The following KDM6A variants were observed in gnomAD, a reference collection of about 807,000 sequenced individuals.
KDM6A encodes the protein lysine demethylase 6A.
KDM6A carries 11 observed loss-of-function variants against 117.6 expected under a neutral mutation model. The ratio of observed to expected loss-of-function variants is 0.09; its 90% CI spans 0.06 to 0.15. KDM6A has a LOEUF of 0.15. Ranked by LOEUF, KDM6A falls within the 10% of genes least tolerant of loss-of-function variation. KDM6A has a pLI of 1.00. For synonymous variants in KDM6A, 384 were observed against 396.1 expected (o/e 0.97, Z 0.36); for missense variants, 799 against 1,077.3 (o/e 0.74, Z 3.62).
At chrX:44,933,023 G>A (rs1297211774) in intron 2 of KDM6A, among the ~76,000 whole-genome samples, 5 of 107,506 alleles carry the variant, frequency 4.7e-5, no homozygotes, top group Non-Finnish European at 7.7e-5. Context: ...GAGTAGCTGG[G>A]ATTACAGACA....
intron 17 of KDM6A, among the ~76,000 whole-genome samples, chrX:45,069,058 A>G (rs1002820798): frequency 1.8e-5 from 2 of 111,119 alleles, no homozygotes; most frequent in Admixed American, 1.9e-4. Flanking sequence ...TTTTTGAAAT[A>G]TTTTCATAGA....
chrX:44,898,436 C>A (rs1449211361), intron 2 of KDM6A, among the ~76,000 whole-genome samples: 1 of 111,882 alleles, frequency 8.9e-6, no homozygotes, highest in East Asian at 2.8e-4. Flanking sequence ...GACTCTAACT[C>A]ACATCTCCTT....
chrX:45,003,663 G>T lies in KDM6A; in HGVS notation c.385-7298G>T, dbSNP rs753294701. Among the ~76,000 whole-genome samples, 422 of 110,113 alleles carry T rather than the reference G, an allele frequency of 3.8e-3. 7 individuals are homozygous for T. The highest frequency in any genetic ancestry group is 0.013 in the African/African-American group (403 of 30,260). On this transcript the variant is annotated intron_variant, in intron 4 of 29. Coordinates refer to ENST00000611820, the MANE Select transcript of KDM6A (RefSeq NM_001291415.2). The stretch of plus-strand genomic sequence containing the variant: ...TTTTAAATTTACCCTGGCTTTTAAA[G>T]GAATAGGGTACACTGTTTTTTCCTT...
intron 10 of KDM6A, among the ~76,000 whole-genome samples, chrX:45,058,772 A>AT (rs1449857722): frequency 9.0e-6 from 1 of 111,082 alleles, no homozygotes; most frequent in Non-Finnish European, 1.9e-5. Flanking sequence ...GAGTTCATTA[A>AT]TGCAGCATGC....
intron 3 of KDM6A, among the ~76,000 whole-genome samples, chrX:44,963,499 C>CTGTCTGTCTGTCTCTG (rs796328734): frequency 0.14 from 11,255 of 80,734 alleles, 798 homozygotes; most frequent in East Asian, 0.34. Flanking sequence ...GTCTGTCTGT[C>CTGTCTGTCTGTCTCTG]TCTGTCTGTC....
chrX:45,091,336 A>G (rs1319870598), intron 27 of KDM6A, among the ~76,000 whole-genome samples: 1 of 111,908 alleles, frequency 8.9e-6, no homozygotes, highest in East Asian at 2.8e-4. Flanking sequence ...AGTATAAGTT[A>G]TATAAATTCT....
rs759055674 is a variant in KDM6A at position 44,877,857 on chromosome X, G to A, written c.225+3870G>A. Among the ~76,000 whole-genome samples the A allele has an allele frequency of 2.7e-5, 3 of 110,971 alleles. No homozygotes were observed. The South Asian group carries it at 1.1e-3, about 42-fold the overall frequency. ...AAAATGTATGTGCTTTTTTCCGTAG[G>A]ACATATTAGCATTAAAACAGTTGGT... is the stretch of plus-strand genomic sequence containing the variant. On this transcript the variant is annotated intron_variant, in intron 2 of 29. Transcript: ENST00000611820.
chrX:45,102,217 T>G (rs910640058), intron 27 of KDM6A, among the ~76,000 whole-genome samples: 1 of 112,151 alleles, frequency 8.9e-6, no homozygotes, highest in Admixed American at 9.5e-5. Context: ...GGAACTCTTA[T>G]TAAAATAGGT....
chrX:45,038,391 C>T (rs1207631046), intron 8 of KDM6A, among the ~76,000 whole-genome samples: 1 of 111,079 alleles, frequency 9.0e-6, no homozygotes, highest in Non-Finnish European at 1.9e-5. Flanking sequence ...TTTCTTAAGA[C>T]TGAAATAACT....
At chrX:45,034,457 CAG>C (rs1391836310) in intron 6 of KDM6A, among the ~76,000 whole-genome samples, 7 of 111,742 alleles carry the variant, frequency 6.3e-5, no homozygotes, top group Non-Finnish European at 1.1e-4. Context: ...TCAATAAAGA[CAG>C]AAAGTTTTAC....
In KDM6A at chrX:45,002,387, G is replaced by C. The variant is rs748937345; in HGVS notation, c.385-8574G>C. On this transcript the variant is annotated intron_variant, in intron 4 of 29. Coordinates refer to ENST00000611820, the MANE Select transcript of KDM6A (RefSeq NM_001291415.2). ...GTTAGTGCTTTAAGAAAAACCTTTTGTGCTTTTATTTTAATGTCCAGTTCA... is the reference window on the plus strand; with the variant it reads ...GTTAGTGCTTTAAGAAAAACCTTTTCTGCTTTTATTTTAATGTCCAGTTCA... Among the ~76,000 whole-genome samples, 3 of 111,811 alleles carry C rather than the reference G, an allele frequency of 2.7e-5. No homozygotes were observed. In the East Asian group the frequency reaches 8.4e-4, roughly 31 times the overall value.
Position 44,969,676 on chromosome X carries a change from A to G in KDM6A, c.335-4990A>G, listed in dbSNP as rs183816316. ...TGTGATCCGCCTGCCTCGGCCTCCC[A>G]AAGTGCTGGGATTACAGGCGTGAGC... On this transcript the variant is annotated intron_variant, in intron 3 of 29. Coordinates refer to ENST00000611820, the MANE Select transcript of KDM6A (RefSeq NM_001291415.2). Among the ~76,000 whole-genome samples, 293 of 110,751 alleles carry G rather than the reference A, an allele frequency of 2.6e-3. 1 individual carries two copies. The highest frequency in any genetic ancestry group is 8.3e-3 in the African/African-American group (254 of 30,502).
chrX:44,898,851 G>A (rs902372977), intron 2 of KDM6A, among the ~76,000 whole-genome samples: 8 of 108,673 alleles, frequency 7.4e-5, no homozygotes, highest in African/African-American at 2.7e-4. Flanking sequence ...CTTTTGCTGG[G>A]TGGAGGGTGT....
At chrX:44,899,971 G>C (rs765869509) in intron 2 of KDM6A, among the ~76,000 whole-genome samples, 1 of 111,811 alleles carries the variant, frequency 8.9e-6, no homozygotes, top group South Asian at 3.7e-4. Flanking sequence ...CTGTTATTTC[G>C]GGGATATGGT....
In KDM6A at chrX:45,076,940, A is replaced by G. The variant is rs771384013; in HGVS notation, c.2988+114A>G. 6 of 691,063 alleles carry G rather than the reference A, an allele frequency of 8.7e-6. No individual in the cohort carries two copies. The African/African-American group carries it at 8.9e-5, about 10-fold the overall frequency. The allele number at this position is 691,063 out of a possible 1,213,427, so 57.0% of individuals were successfully genotyped here. On this transcript the variant is annotated intron_variant, in intron 19 of 29. Transcript: ENST00000611820. ...AGGAAACATTACAATTATTGGCAGCAGATTAAATAGTTTGGGGGCGGGGGG... is the reference window on the plus strand; with the variant it reads ...AGGAAACATTACAATTATTGGCAGCGGATTAAATAGTTTGGGGGCGGGGGG...
At chrX:44,960,520 A>G (rs1321068144) in intron 2 of KDM6A, among the ~76,000 whole-genome samples, 1 of 112,071 alleles carries the variant, frequency 8.9e-6, no homozygotes, top group Non-Finnish European at 1.9e-5. Flanking sequence ...TAGAAAGGAT[A>G]AATTCCCCAG....
chrX:45,054,007 T>C, intron 10 of KDM6A, 52 bp downstream of exon 10: 1 of 1,128,814 alleles, frequency 8.9e-7, no homozygotes, highest in Non-Finnish European at 1.2e-6. Flanking sequence ...AGCTAAGAGA[T>C]TTGAATTACA....
intron 18 of KDM6A, among the ~76,000 whole-genome samples, chrX:45,074,792 C>A (rs915025291): frequency 8.9e-6 from 1 of 112,040 alleles, no homozygotes; most frequent in African/African-American, 3.2e-5. Flanking sequence ...CTTAGTCATG[C>A]CCCACCTTTT....
rs780353368 is a variant in KDM6A, at chrX:44,883,988, G to A, written c.225+10001G>A. Among the ~76,000 whole-genome samples, 99 of 107,461 alleles carry A rather than the reference G, an allele frequency of 9.2e-4. No homozygotes were observed. In the South Asian group the frequency reaches 0.031, roughly 34 times the overall value. The allele number at this position is 107,461 out of a possible 115,157, so 93.3% of individuals were successfully genotyped here. A position where few individuals can be genotyped will look rare whatever the true frequency, so the allele number is the denominator to read the frequency against. On this transcript the variant is annotated intron_variant, in intron 2 of 29. Coordinates refer to ENST00000611820, the MANE Select transcript of KDM6A (RefSeq NM_001291415.2). ...GTGGTGGCGCATGCCTGTAATTCCAGCTACTTGGGAGGCTGAGGCAGGAGA... is the reference window on the plus strand; with the variant it reads ...GTGGTGGCGCATGCCTGTAATTCCAACTACTTGGGAGGCTGAGGCAGGAGA...
Sources: gnomAD v4.1 joint callset for allele counts (sites outside exome capture counted in the v4.1 genomes callset) on GRCh38, gnomAD v4.1.1 for gene constraint, MANE v1.5 for transcripts, NCBI Gene and HGNC (gene_info 2026-07-23, HGNC 2026-07-21) for gene names.